The following RORA variants were observed in gnomAD, a reference collection of about 807,000 sequenced individuals.
RORA encodes RAR related orphan receptor A, also known as nuclear receptor ROR-alpha.
Under a neutral mutation model 69.5 loss-of-function variants are expected in RORA, and 7 were observed. The observed-to-expected ratio is 0.10, with a 90% CI of 0.06 to 0.19. The LOEUF (loss-of-function observed/expected upper bound fraction) is 0.19, where lower values mean the gene tolerates loss of function less well. RORA is among the 10% of genes least tolerant of loss of function. RORA has a pLI of 1.00. For synonymous variants in RORA, 261 were observed against 240.8 expected, an observed-to-expected ratio of 1.08 and a Z score of -0.78; for missense variants, 457 against 663.0, an observed-to-expected ratio of 0.69 and a Z score of 3.41.
At chr15:60,517,160 C>T (rs796075693) in intron 3 of RORA, among the ~76,000 whole-genome samples, 80 of 147,202 alleles carry the variant, frequency 5.4e-4, no homozygotes, top group African/African-American at 2.0e-3. Context: ...TTATGGTGGG[C>T]AGCTTGAGAA....
chr15:60,701,370 C>T (rs2070979125), intron 1 of RORA, among the ~76,000 whole-genome samples: 1 of 152,162 alleles, frequency 6.6e-6, no homozygotes, highest in Non-Finnish European at 1.5e-5. Flanking sequence ...CAAGAACCAC[C>T]ATGGATCAAA....
At chr15:60,988,745 A>G (rs1253030959) in intron 1 of RORA, among the ~76,000 whole-genome samples, 1 of 152,190 alleles carries the variant, frequency 6.6e-6, no homozygotes, top group Non-Finnish European at 1.5e-5. Context: ...AAGGTACACA[A>G]TGCAGTTTAA....
intron 3 of RORA, among the ~76,000 whole-genome samples, chr15:60,517,412 G>A (rs1016690861): frequency 1.4e-4 from 21 of 150,832 alleles, no homozygotes; most frequent in African/African-American, 4.2e-4. Context: ...ATCAAGTCCC[G>A]CCTCTTCTGT....
At chr15:61,164,139 G>C (rs2079520795) in intron 1 of RORA, among the ~76,000 whole-genome samples, 1 of 150,018 alleles carries the variant, frequency 6.7e-6, no homozygotes, top group Non-Finnish European at 1.5e-5. Flanking sequence ...TCAGTGGCCT[G>C]TATCAAAAAA....
At chr15:61,127,995 T>G (rs1206713991) in intron 1 of RORA, among the ~76,000 whole-genome samples, 1 of 152,158 alleles carries the variant, frequency 6.6e-6, no homozygotes, top group Non-Finnish European at 1.5e-5. Context: ...CTAATTAATC[T>G]ACCTAATTAT....
At chr15:60,728,567 T>C (rs181458976) in intron 1 of RORA, among the ~76,000 whole-genome samples, 9 of 152,272 alleles carry the variant, frequency 5.9e-5, no homozygotes, top group African/African-American at 1.9e-4. Flanking sequence ...AGACACACAA[T>C]TCACTTATAA....
chr15:60,969,903 T>C (rs1395448749), intron 1 of RORA, among the ~76,000 whole-genome samples: 1 of 152,184 alleles, frequency 6.6e-6, no homozygotes. Flanking sequence ...AGGAAGTAAT[T>C]AAGGTTAAAT....
At chr15:61,164,377 T>C (rs2079523790) in intron 1 of RORA, among the ~76,000 whole-genome samples, 1 of 152,214 alleles carries the variant, frequency 6.6e-6, no homozygotes, top group Non-Finnish European at 1.5e-5. Context: ...GAAGGATCTG[T>C]GGAATCTTTA....
At chr15:60,877,339 C>A (rs555371773) in intron 1 of RORA, among the ~76,000 whole-genome samples, 24 of 152,276 alleles carry the variant, frequency 1.6e-4, no homozygotes, top group African/African-American at 5.8e-4. Flanking sequence ...TTCTCATCTA[C>A]CTCTCTCTCC....
At position 60,876,253 on chromosome 15, in the gene RORA, T is replaced by C. The variant is rs537116519; in HGVS notation, c.167-197567A>G. Among the ~76,000 whole-genome samples the C allele has an allele frequency of 6.7e-5, 10 of 148,470 alleles. No homozygotes were observed. In the South Asian group the frequency reaches 2.1e-3, roughly 32 times the overall value. On this transcript the variant is annotated intron_variant, in intron 1 of 10. Coordinates refer to ENST00000335670, the MANE Select transcript of RORA (RefSeq NM_134261.3). ...AGGTTGGTCTCCCCCAACCAAAAAATGTGTTTTTTCTGAAGTTGGCTTTCT... is the reference window on the plus strand; with the variant it reads ...AGGTTGGTCTCCCCCAACCAAAAAACGTGTTTTTTCTGAAGTTGGCTTTCT...
intron 1 of RORA, among the ~76,000 whole-genome samples, chr15:60,897,759 A>C (rs942520421): frequency 1.3e-5 from 2 of 152,258 alleles, no homozygotes; most frequent in African/African-American, 4.8e-5. Context: ...ATGAACCTGG[A>C]ACATGTGCAG....
chr15:61,010,448 C>A (rs1365769488), intron 1 of RORA, among the ~76,000 whole-genome samples: 7 of 152,126 alleles, frequency 4.6e-5, no homozygotes, highest in Admixed American at 3.3e-4. Context: ...TGACCTTGGT[C>A]ATATTAGGAC....
chr15:61,169,461 C>G (rs2079566482), intron 1 of RORA, among the ~76,000 whole-genome samples: 1 of 151,886 alleles, frequency 6.6e-6, no homozygotes, highest in Non-Finnish European at 1.5e-5. Context: ...TCTGTGGCAG[C>G]AGAGGATAAC....
intron 9 of RORA, 54 bp downstream of exon 9, chr15:60,500,905 T>C (rs1030025504): frequency 9.8e-7 from 1 of 1,023,696 alleles, no homozygotes; most frequent in Non-Finnish European, 1.5e-6. Flanking sequence ...CTTGTAAAAA[T>C]TCTTTATCTT....
intron 1 of RORA, among the ~76,000 whole-genome samples, chr15:61,091,769 T>C (rs145528789): frequency 5.9e-5 from 9 of 152,364 alleles, no homozygotes; most frequent in African/African-American, 1.9e-4. Flanking sequence ...AAGTATTTTA[T>C]ACCCATCCAT....
At chr15:60,824,873 A>G (rs2072936640) in intron 1 of RORA, among the ~76,000 whole-genome samples, 1 of 152,236 alleles carries the variant, frequency 6.6e-6, no homozygotes, top group Non-Finnish European at 1.5e-5. Flanking sequence ...AGAGGACAGA[A>G]TAACAGCTGG....
intron 1 of RORA, among the ~76,000 whole-genome samples, chr15:60,711,510 C>T (rs1463604680): frequency 6.6e-6 from 1 of 152,094 alleles, no homozygotes; most frequent in Non-Finnish European, 1.5e-5. Context: ...GCTCTTCTTC[C>T]CCATTTTTGC....
intron 2 of RORA, among the ~76,000 whole-genome samples, chr15:60,630,882 G>A (rs2069720212): frequency 1.2e-5 from 1 of 83,918 alleles, no homozygotes; most frequent in Non-Finnish European, 2.3e-5. Flanking sequence ...GCCAGGATGA[G>A]ACTTTCTTTT....
intron 2 of RORA, among the ~76,000 whole-genome samples, chr15:60,637,604 GA>G (rs2069864396): frequency 6.6e-6 from 1 of 151,874 alleles, no homozygotes; most frequent in Non-Finnish European, 1.5e-5. Flanking sequence ...TATACGGCGT[GA>G]AAAAAATTTA....
Sources: allele counts gnomAD v4.1 joint callset (sites outside exome capture counted in the v4.1 genomes callset), GRCh38; gene constraint gnomAD v4.1.1; transcripts MANE v1.5; gene names NCBI Gene and HGNC (gene_info 2026-07-23, HGNC 2026-07-21).